The following B4GALT4 variants were observed in gnomAD, a reference collection of about 807,000 sequenced individuals.
The protein encoded by B4GALT4 is beta-1,4-galactosyltransferase 4.
B4GALT4 carries 27 observed loss-of-function variants against 37.3 expected under a neutral mutation model. That is an observed-to-expected ratio of 0.72 (90% CI 0.53 to 1.00). B4GALT4 has a LOEUF of 1.00. B4GALT4 is among the 50% of genes least tolerant of loss of function. The probability of loss-of-function intolerance (pLI) is 0.00; values close to 1 mark genes in which losing one functional copy is unlikely to be tolerated. For synonymous variants in B4GALT4, 148 were observed against 154.1 expected (o/e 0.96, Z 0.29); for missense variants, 372 against 413.1 (o/e 0.90, Z 0.86).
chr3:119,238,946 G>A (rs1392018002), intron 1 of B4GALT4, among the ~76,000 whole-genome samples: 1 of 152,174 alleles, frequency 6.6e-6, no homozygotes, highest in Non-Finnish European at 1.5e-5. Flanking sequence ...AATCTTCAGT[G>A]CCAGAGAACA....
chr3:119,228,075 A>G (rs2078680609), intron 3 of B4GALT4, among the ~76,000 whole-genome samples: 1 of 152,222 alleles, frequency 6.6e-6, no homozygotes, highest in African/African-American at 2.4e-5. Flanking sequence ...ATGGAGTTAC[A>G]CAGATGACAA....
In B4GALT4 at chr3:119,224,098, G is replaced by A; in HGVS notation, c.634C>T (p.Pro212Ser). The A allele has an allele frequency of 6.2e-7, 1 of 1,613,744 alleles. No individual in the cohort carries two copies. The highest frequency in any genetic ancestry group is 1.1e-5 in the South Asian group (1 of 90,990). Residue 212 changes from proline (P) to serine (S), a missense_variant, in exon 5 of 8, where the codon CCC becomes TCC. Transcript: ENST00000393765. Reference protein sequence around the residue: ...DFNLYKCEEHPKHLVVGRNST... With the variant: ...DFNLYKCEEHSKHLVVGRNST... ...TTCCTGCCAACCACCAGATGCTTGG[G>A]ATGCTCCTCACACTTGTAAAGGTTA... is the stretch of plus-strand genomic sequence containing the variant.
rs547456194 is a variant in B4GALT4 at position 119,224,916 on chromosome 3, G to C, written c.487-671C>G. 4.6e-5 allele frequency among the ~76,000 whole-genome samples: 7 copies of C among 152,146 alleles called. No homozygotes were observed. In the East Asian group the frequency reaches 1.3e-3, roughly 29 times the overall value. ...ACTACAAAACCTTTCTTATATACTA[G>C]TCATGTCAATTAGTATTACTGCTTC... On this transcript the variant is annotated intron_variant, in intron 4 of 7. Coordinates refer to ENST00000393765, the MANE Select transcript of B4GALT4 (RefSeq NM_003778.4).
At chr3:119,229,235 C>A (rs2078731479) in intron 3 of B4GALT4, among the ~76,000 whole-genome samples, 1 of 152,162 alleles carries the variant, frequency 6.6e-6, no homozygotes, top group Non-Finnish European at 1.5e-5. Flanking sequence ...CATACCCAGG[C>A]TAGCCCACTA....
intron 4 of B4GALT4, 125 bp downstream of exon 4, chr3:119,226,683 TA>T: frequency 1.3e-6 from 1 of 773,832 alleles, no homozygotes; most frequent in Non-Finnish European, 2.1e-6. Context: ...ATAAATGAGG[TA>T]AGAGAACTCG....
intron 7 of B4GALT4, 59 bp downstream of exon 7, chr3:119,216,181 C>G: frequency 3.0e-6 from 4 of 1,350,816 alleles, no homozygotes; most frequent in Non-Finnish European, 4.1e-6. Flanking sequence ...TCAACATAGT[C>G]CTTATTGACA....
At position 119,224,135 on chromosome 3, in the gene B4GALT4, G is replaced by C. The variant is rs199581744; in HGVS notation, c.597C>G (p.Pro199=). 6.2e-7 allele frequency: 1 copy of C among 1,614,014 alleles called. No individual in the cohort carries two copies. The highest frequency in any genetic ancestry group is 1.3e-5 in the African/African-American group (1 of 75,000). Residue 199 remains proline (P), a synonymous_variant, in exon 5 of 8, where the codon CCC becomes CCG. Coordinates refer to ENST00000393765, the MANE Select transcript of B4GALT4 (RefSeq NM_003778.4). The part of the protein sequence containing the change: ...CFIFHDVDLV[P]ENDFNLYKCE... ...ACTTGTAAAGGTTAAAGTCATTCTC[G>C]GGTACCAGGTCCACATCGTGGAATA...
intron 2 of B4GALT4, among the ~76,000 whole-genome samples, chr3:119,235,853 G>A (rs1197140406): frequency 2.0e-5 from 3 of 151,956 alleles, no homozygotes; most frequent in Non-Finnish European, 4.4e-5. Flanking sequence ...TAACCCATAG[G>A]ATAAAGTGAC....
rs561523172 is a variant in B4GALT4 at position 119,234,871 on chromosome 3, G to A, written c.-146+1982C>T. Among the ~76,000 whole-genome samples, 25 of 152,268 alleles carry A rather than the reference G, an allele frequency of 1.6e-4. 1 individual carries two copies. The highest frequency in any genetic ancestry group is 6.0e-4 in the African/African-American group (25 of 41,534). On this transcript the variant is annotated intron_variant, in intron 2 of 7. Transcript: ENST00000393765. ...CTTTTCCTTTCTAGAAGTCTGCCCC[G>A]TAGTTAGTTAAAAATGGTCATGTTT...
chr3:119,234,303 A>T (rs1410996949), intron 2 of B4GALT4, among the ~76,000 whole-genome samples: 1 of 152,108 alleles, frequency 6.6e-6, no homozygotes, highest in Non-Finnish European at 1.5e-5. Context: ...TATTTTTAGT[A>T]GAGACAGAGT....
chr3:119,234,949 C>G (rs551105693), intron 2 of B4GALT4: 46 of 152,256 alleles, frequency 3.0e-4, no homozygotes, highest in African/African-American at 1.1e-3. Context: ...TGACTACCTG[C>G]TATTTTCAAG....
At chr3:119,226,430 G>A (rs970090271) in intron 4 of B4GALT4, 3 of 231,180 alleles carry the variant, frequency 1.3e-5, no homozygotes, top group African/African-American at 6.9e-5. Context: ...TCCCCATTGA[G>A]TTGCTATGGT....
intron 2 of B4GALT4, among the ~76,000 whole-genome samples, chr3:119,231,919 A>C (rs767255831): frequency 2.0e-5 from 3 of 150,366 alleles, no homozygotes; most frequent in Non-Finnish European, 4.4e-5. Flanking sequence ...TATTTTACAT[A>C]TATCATTTTA....
intron 5 of B4GALT4, among the ~76,000 whole-genome samples, chr3:119,219,654 C>G (rs886084417): frequency 5.3e-5 from 8 of 152,130 alleles, no homozygotes; most frequent in Non-Finnish European, 8.8e-5. Flanking sequence ...AGGGGCTCAG[C>G]TCTGTGGAAC....
In B4GALT4 at chr3:119,238,263, TA is replaced by T. The variant is rs35361911; in HGVS notation, c.-363-1194del. Among the ~76,000 whole-genome samples the T allele has an allele frequency of 7.3e-3, 792 of 109,038 alleles. 5 individuals are homozygous for T. Among genetic ancestry groups the T allele is most frequent in the South Asian group, 0.047 (156 of 3,296 alleles). 71.5% of individuals were successfully genotyped at this position (109,038 alleles called of 152,430 possible). On this transcript the variant is annotated intron_variant, in intron 1 of 7. Transcript: ENST00000393765. Reference sequence around the variant, plus strand: ...GCCTGGGCATCAGAGACCCTGTCTCTAAAAAAAAAAAAAAAAAAAAGTATAT... The same window carrying T: ...GCCTGGGCATCAGAGACCCTGTCTCTAAAAAAAAAAAAAAAAAAAGTATAT...
In B4GALT4 at chr3:119,218,723, G is replaced by A. The variant is rs1553745974; in HGVS notation, c.724C>T (p.Gln242Ter). ...GAGAATCCATTCACCTTGAAAAACT[G>A]CTCTCTGCTTAGGGCAGTAACACCC... ...FGGVTALSREQFFKVNGFSNN... is the reference protein window; with the variant it reads ...FGGVTALSRE Residue 242 changes from glutamine (Q) to a stop codon, truncating the protein, a stop_gained, in exon 6 of 8, where the codon CAG becomes TAG. Coordinates refer to ENST00000393765, the MANE Select transcript of B4GALT4 (RefSeq NM_003778.4). LOFTEE classifies it high-confidence loss of function. 3 of 1,614,114 alleles carry A rather than the reference G, an allele frequency of 1.9e-6. No homozygotes were observed. In the South Asian group the frequency reaches 3.3e-5, roughly 18 times the overall value.
rs373599484 is a variant in B4GALT4, at chr3:119,216,263, T to G, written c.879A>C (p.Lys293Asn). The G allele has an allele frequency of 8.1e-6, 13 of 1,613,258 alleles. No individual in the cohort carries two copies. In the African/African-American group the frequency reaches 1.7e-4, roughly 22 times the overall value. The change falls in exon 7 of 8, where the codon AAA becomes AAC. Residue 293 changes from lysine to asparagine, a missense_variant. By Grantham distance (94) the Lys-to-Asn change is moderately conservative (BLOSUM62 0). Coordinates refer to ENST00000393765, the MANE Select transcript of B4GALT4 (RefSeq NM_003778.4). ...KYTMVFHTRD[K>N]GNEVNAERMK... ...ACCGTTCTGCGTTCACCTCATTGCC[T>G]TTGTCTCTAGTGTGGAAGACCATTG... is the stretch of plus-strand genomic sequence containing the variant.
At position 119,211,917 on chromosome 3, in the gene B4GALT4, C is replaced by A. The variant is rs1576878904; in HGVS notation, c.*632G>T. On this transcript the variant is annotated 3_prime_UTR_variant, in exon 8 of 8. Transcript: ENST00000393765. ...GGCATCACTGGAAGGCATACCTGGG[C>A]AGGTCCTCCCCTGAAGGCTATCAGC... The A allele has an allele frequency of 6.0e-6, 3 of 498,672 alleles. No homozygotes were observed. In the East Asian group the frequency reaches 9.0e-5, roughly 15 times the overall value. 30.9% of individuals were successfully genotyped at this position (498,672 alleles called of 1,614,324 possible).
At chr3:119,226,625 C>T (rs2078626697) in intron 4 of B4GALT4, 184 bp downstream of exon 4, 1 of 613,952 alleles carries the variant, frequency 1.6e-6, no homozygotes, top group East Asian at 2.8e-5. Flanking sequence ...GAACTTGAAC[C>T]CATAACTCCA....
Sources: allele counts gnomAD v4.1 joint callset (sites outside exome capture counted in the v4.1 genomes callset), GRCh38; gene constraint gnomAD v4.1.1; transcripts MANE v1.5; gene names NCBI Gene and HGNC (gene_info 2026-07-23, HGNC 2026-07-21).